Variants in GABRB1 observed in about 807,000 individuals in gnomAD.
The protein encoded by GABRB1 is gamma-aminobutyric acid type A receptor subunit beta1.
In GABRB1, 17 loss-of-function variants were observed where a neutral mutation model predicts 51.6. That is an observed-to-expected ratio of 0.33 (90% CI 0.23 to 0.49). The LOEUF (loss-of-function observed/expected upper bound fraction) is 0.49. Ranked by LOEUF, GABRB1 falls within the 20% of genes least tolerant of loss-of-function variation. The pLI is 0.99. For synonymous variants in GABRB1, 247 were observed against 218.9 expected, an observed-to-expected ratio of 1.13 and a Z score of -1.14; for missense variants, 410 against 600.6, an observed-to-expected ratio of 0.68 and a Z score of 3.32.
intron 4 of GABRB1, among the ~76,000 whole-genome samples, chr4:47,278,737 A>G (rs758674632): frequency 6.6e-6 from 1 of 152,194 alleles, no homozygotes; most frequent in Non-Finnish European, 1.5e-5. Flanking sequence ...CCAATTCATG[A>G]TAAATGCTCA....
chr4:47,113,503 G>A (rs1000593700), intron 3 of GABRB1, among the ~76,000 whole-genome samples: 2 of 151,530 alleles, frequency 1.3e-5, no homozygotes, highest in African/African-American at 4.8e-5. Context: ...TACAAAATGA[G>A]AATTCAGATA....
intron 5 of GABRB1, among the ~76,000 whole-genome samples, chr4:47,340,020 A>C (rs971009640): frequency 1.3e-5 from 2 of 152,204 alleles, no homozygotes; most frequent in African/African-American, 4.8e-5. Context: ...GAAACTTAAC[A>C]TTCCAAAATT....
At chr4:47,138,496 A>T (rs1193326538) in intron 3 of GABRB1, among the ~76,000 whole-genome samples, 2 of 151,990 alleles carry the variant, frequency 1.3e-5, no homozygotes, top group Non-Finnish European at 2.9e-5. Context: ...ACCAATCTGA[A>T]TTTTTTATTA....
intron 4 of GABRB1, among the ~76,000 whole-genome samples, chr4:47,247,736 C>T (rs1282504316): frequency 6.6e-6 from 1 of 151,906 alleles, no homozygotes; most frequent in Non-Finnish European, 1.5e-5. Flanking sequence ...CTTTTGACTC[C>T]TTGGTTAGGT....
chr4:47,284,022 C>G (rs989398909), intron 4 of GABRB1, among the ~76,000 whole-genome samples: 1 of 145,618 alleles, frequency 6.9e-6, no homozygotes, highest in African/African-American at 2.6e-5. Context: ...GGCGTGAACC[C>G]GGGAGGCGGA....
At chr4:47,183,503 T>C (rs1719045511) in intron 4 of GABRB1, among the ~76,000 whole-genome samples, 1 of 151,454 alleles carries the variant, frequency 6.6e-6, no homozygotes. Flanking sequence ...CACCCTTCTG[T>C]CTTCTGGACC....
intron 3 of GABRB1, among the ~76,000 whole-genome samples, chr4:47,098,628 T>C (rs1161814528): frequency 6.6e-6 from 1 of 152,148 alleles, no homozygotes; most frequent in Admixed American, 6.6e-5. Flanking sequence ...TTATCTCATA[T>C]AGATCTGACA....
intron 3 of GABRB1, among the ~76,000 whole-genome samples, chr4:47,121,786 G>A (rs1207672561): frequency 6.6e-6 from 1 of 152,074 alleles, no homozygotes; most frequent in Non-Finnish European, 1.5e-5. Context: ...ACAGTCGTTT[G>A]GAATTTTGAG....
chr4:47,058,075 C>A (rs112689701), intron 3 of GABRB1, among the ~76,000 whole-genome samples: 1 of 152,180 alleles, frequency 6.6e-6, no homozygotes, highest in African/African-American at 2.4e-5. Context: ...CCTGAAGAGG[C>A]TGCACAGAGT....
At chr4:47,402,169 C>T (rs1179634208) in intron 5 of GABRB1, among the ~76,000 whole-genome samples, 3 of 152,166 alleles carry the variant, frequency 2.0e-5, no homozygotes, top group African/African-American at 7.2e-5. Context: ...TTCTTACATT[C>T]TGCAAGGACA....
chr4:47,385,066 C>T (rs1161362162), intron 5 of GABRB1, among the ~76,000 whole-genome samples: 1 of 152,178 alleles, frequency 6.6e-6, no homozygotes, highest in African/African-American at 2.4e-5. Flanking sequence ...AAAGACTTTG[C>T]CTACAACCAA....
In GABRB1 at chr4:47,425,471, GGAT is replaced by G. The variant is rs113978263; in HGVS notation, c.1081-193_1081-191del. Among the ~76,000 whole-genome samples, 76 of 123,260 alleles carry G rather than the reference GGAT, an allele frequency of 6.2e-4. 1 individual carries two copies. Among genetic ancestry groups the G allele is most frequent in the African/African-American group, 2.2e-3 (72 of 33,276 alleles). The allele number at this position is 123,260 out of a possible 152,430, so 80.9% of individuals were successfully genotyped here. A position where few individuals can be genotyped will look rare whatever the true frequency, so the allele number is the denominator to read the frequency against. Reference sequence around the variant, plus strand: ...TAGCTAGAAAGCTAGCAAGGTGGATGGATGATGATGATAGATAGATAGATAGAT... The same window carrying G: ...TAGCTAGAAAGCTAGCAAGGTGGATGGATGATGATAGATAGATAGATAGAT... On this transcript the variant is annotated intron_variant, in intron 8 of 8. Transcript: ENST00000295454.
At chr4:47,027,571 T>C (rs1343337469), upstream of GABRB1, among the ~76,000 whole-genome samples, 1 of 151,592 alleles carries the variant, frequency 6.6e-6, no homozygotes, top group Non-Finnish European at 1.5e-5. Context: ...GAAAATAATA[T>C]ATCACTAGAG....
intron 4 of GABRB1, among the ~76,000 whole-genome samples, chr4:47,190,090 G>A (rs954168340): frequency 6.6e-6 from 1 of 152,016 alleles, no homozygotes; most frequent in African/African-American, 2.4e-5. Context: ...AATTTAATTA[G>A]AAGGAACTTT....
intron 5 of GABRB1, among the ~76,000 whole-genome samples, chr4:47,402,181 G>A (rs1305365714): frequency 6.6e-6 from 1 of 152,186 alleles, no homozygotes; most frequent in Non-Finnish European, 1.5e-5. Flanking sequence ...GCAAGGACAA[G>A]TTGATGGTGA....
At chr4:47,186,610 G>A (rs1719192770) in intron 4 of GABRB1, among the ~76,000 whole-genome samples, 1 of 151,712 alleles carries the variant, frequency 6.6e-6, no homozygotes. Context: ...ATACCTTTAA[G>A]TGTCCCCACC....
rs565196804 is a variant in GABRB1 at position 47,385,313 on chromosome 4, A to G, written c.545-18005A>G. Among the ~76,000 whole-genome samples the G allele has an allele frequency of 9.5e-3, 1,448 of 152,310 alleles. 24 individuals carry two copies. The highest frequency in any genetic ancestry group is 0.033 in the African/African-American group (1,379 of 41,558). ...TTTTATTTGGTTACAGTACTGTGAAACTCATCTTTTTGAGAAGGTTGTACC... is the reference window on the plus strand; with the variant it reads ...TTTTATTTGGTTACAGTACTGTGAAGCTCATCTTTTTGAGAAGGTTGTACC... On this transcript the variant is annotated intron_variant, in intron 5 of 8. Coordinates refer to ENST00000295454, the MANE Select transcript of GABRB1 (RefSeq NM_000812.4).
intron 3 of GABRB1, among the ~76,000 whole-genome samples, chr4:47,069,296 C>G (rs374163962): frequency 6.6e-6 from 1 of 152,164 alleles, no homozygotes. Context: ...CAAATCTGTC[C>G]TATTCTACTT....
At chr4:47,024,933 C>CATATATATTTATATATATAT (rs1725040011) in intron 1 of GABRB1, among the ~76,000 whole-genome samples, 1 of 86,202 alleles carries the variant, frequency 1.2e-5, no homozygotes, top group Non-Finnish European at 2.3e-5. Flanking sequence ...AGTATTCCAT[C>CATATATATTTATATATATAT]ATATATATAT....
Sources: gnomAD v4.1 joint callset for allele counts (sites outside exome capture counted in the v4.1 genomes callset) on GRCh38, gnomAD v4.1.1 for gene constraint, MANE v1.5 for transcripts, NCBI Gene and HGNC (gene_info 2026-07-23, HGNC 2026-07-21) for gene names.